CDH10: variants seen among roughly 807,000 people sequenced by gnomAD.
CDH10 encodes the protein cadherin 10, also known as cadherin-10.
A neutral mutation model predicts 73.1 loss-of-function variants in CDH10; 30 were observed. The observed-to-expected ratio is 0.41, with a 90% CI of 0.31 to 0.56. The LOEUF (loss-of-function observed/expected upper bound fraction) is 0.56. Ranked by LOEUF, CDH10 falls within the 20% of genes least tolerant of loss-of-function variation. The pLI, the probability that CDH10 is intolerant of heterozygous loss-of-function variation, is 0.27. For synonymous variants in CDH10, 345 were observed against 348.2 expected (o/e 0.99, Z 0.10); for missense variants, 815 against 973.7 (o/e 0.84, Z 2.17).
At chr5:24,523,726 A>G (rs1743423994) in intron 5 of CDH10, among the ~76,000 whole-genome samples, 1 of 151,992 alleles carries the variant, frequency 6.6e-6, no homozygotes, top group Admixed American at 6.6e-5. Flanking sequence ...ACTGTTTTTT[A>G]TTTTTCGATT....
At chr5:24,496,868 A>T (rs1016191100) in intron 9 of CDH10, among the ~76,000 whole-genome samples, 1 of 152,194 alleles carries the variant, frequency 6.6e-6, no homozygotes, top group Admixed American at 6.5e-5. Flanking sequence ...AGTTTAGTTT[A>T]ACCGAGGCAT....
chr5:24,539,852 A>G (rs1449147979), intron 2 of CDH10, among the ~76,000 whole-genome samples: 1 of 152,080 alleles, frequency 6.6e-6, no homozygotes, highest in Non-Finnish European at 1.5e-5. Context: ...AATTATATGC[A>G]TGTGCAACAC....
intron 1 of CDH10, among the ~76,000 whole-genome samples, chr5:24,594,540 G>C (rs1166699450): frequency 1.3e-5 from 2 of 151,668 alleles, no homozygotes; most frequent in African/African-American, 4.8e-5. Flanking sequence ...CCACCTCTCT[G>C]ACCATGTTTC....
intron 8 of CDH10, among the ~76,000 whole-genome samples, chr5:24,504,506 CTTTTTTT>C (rs70965605): frequency 0.011 from 725 of 65,156 alleles, 190 homozygotes; most frequent in African/African-American, 0.037. Context: ...TCCTATTAAT[CTTTTTTT>C]TTTTTTTTTT....
intron 2 of CDH10, among the ~76,000 whole-genome samples, chr5:24,551,825 C>T (rs1483233521): frequency 6.6e-6 from 1 of 152,142 alleles, no homozygotes; most frequent in Non-Finnish European, 1.5e-5. Context: ...ACACTAACAA[C>T]ATACTCTTAG....
intron 2 of CDH10, among the ~76,000 whole-genome samples, chr5:24,575,113 C>T (rs1847839): frequency 0.047 from 7,059 of 151,018 alleles, 284 homozygotes; most frequent in African/African-American, 0.096. Context: ...TGTAATCCCA[C>T]CACTTTGAGA....
rs764663767 is a variant in CDH10, at chr5:24,535,214, G to C, written c.712C>G (p.Gln238Glu). ...ATCTGGCCGCCCATGTCTTTGGCCT[G>C]GATGACCACTTGGTATTGCTCTCTG... is the stretch of plus-strand genomic sequence containing the variant. Reference protein sequence around the residue: ...ENREQYQVVIQAKDMGGQMGG... With the variant: ...ENREQYQVVIEAKDMGGQMGG... The change falls in exon 5 of 12, where the codon CAG (glutamine) becomes GAG (glutamate). Residue 238 changes from glutamine to glutamate, a missense_variant. By Grantham distance (29) the Gln-to-Glu change is conservative. Coordinates refer to ENST00000264463, the MANE Select transcript of CDH10 (RefSeq NM_006727.5). 6.8e-6 allele frequency: 11 copies of C among 1,613,262 alleles called. No homozygotes were observed. In the Admixed American group the frequency reaches 1.0e-4, roughly 15 times the overall value.
chr5:24,604,430 C>T (rs115686301), intron 1 of CDH10, among the ~76,000 whole-genome samples: 2,196 of 152,166 alleles, frequency 0.014, 23 homozygotes, highest in African/African-American at 0.036. Flanking sequence ...AAGATCACTA[C>T]GCTGAAACTT....
At chr5:24,552,328 T>G (rs1312881610) in intron 2 of CDH10, among the ~76,000 whole-genome samples, 1 of 152,046 alleles carries the variant, frequency 6.6e-6, no homozygotes, top group Non-Finnish European at 1.5e-5. Flanking sequence ...TATTATGTAT[T>G]CTAGTAAATT....
At chr5:24,508,371 T>C (rs1015931221) in intron 7 of CDH10, among the ~76,000 whole-genome samples, 4 of 152,204 alleles carry the variant, frequency 2.6e-5, no homozygotes, top group Non-Finnish European at 2.9e-5. Context: ...AAAACAAGAA[T>C]TGAAAAGACT....
rs577033210 is a variant in CDH10, at chr5:24,634,241, C to A, written c.-124+10353G>T. ...AATTAATTTCTCCTCTAATTTTGCA[C>A]AATGTTATTCTCACTTTACTTCCAA... is the stretch of plus-strand genomic sequence containing the variant. On this transcript the variant is annotated intron_variant, in intron 1 of 11. Transcript: ENST00000264463. 5.3e-5 allele frequency among the ~76,000 whole-genome samples: 8 copies of A among 151,880 alleles called. No individual in the cohort carries two copies. In the South Asian group the frequency reaches 1.7e-3, roughly 31 times the overall value.
intron 2 of CDH10, among the ~76,000 whole-genome samples, chr5:24,565,756 C>G (rs1745144389): frequency 1.3e-5 from 2 of 151,792 alleles, no homozygotes; most frequent in Admixed American, 6.6e-5. Context: ...CTCTATCTCT[C>G]TCTTTCACAC....
intron 11 of CDH10, among the ~76,000 whole-genome samples, chr5:24,488,727 T>C (rs1409405722): frequency 2.0e-5 from 3 of 151,942 alleles, no homozygotes; most frequent in African/African-American, 4.8e-5. Flanking sequence ...AAAAACAGAT[T>C]AGTTAGAGTT....
chr5:24,490,844 C>G (rs921854645), intron 11 of CDH10, among the ~76,000 whole-genome samples: 1 of 152,004 alleles, frequency 6.6e-6, no homozygotes, highest in African/African-American at 2.4e-5. Flanking sequence ...TACAGGAATG[C>G]CGATGGGAAG....
At chr5:24,626,425 C>T (rs542269062) in intron 1 of CDH10, among the ~76,000 whole-genome samples, 3 of 152,038 alleles carry the variant, frequency 2.0e-5, no homozygotes, top group East Asian at 1.9e-4. Flanking sequence ...ACAATAATCA[C>T]GATGGAAAAG....
At chr5:24,572,201 C>T (rs906031234) in intron 2 of CDH10, among the ~76,000 whole-genome samples, 4 of 152,108 alleles carry the variant, frequency 2.6e-5, no homozygotes, top group African/African-American at 9.7e-5. Context: ...AGCCAAGGAG[C>T]AGAGCTAGAG....
intron 9 of CDH10, among the ~76,000 whole-genome samples, chr5:24,494,229 T>C (rs1742176283): frequency 6.6e-6 from 1 of 151,880 alleles, no homozygotes; most frequent in African/African-American, 2.4e-5. Flanking sequence ...GCAAGAATTA[T>C]AAAAAAGCAA....
At chr5:24,565,345 C>T (rs552276269) in intron 2 of CDH10, among the ~76,000 whole-genome samples, 1 of 152,232 alleles carries the variant, frequency 6.6e-6, no homozygotes, top group Admixed American at 6.5e-5. Flanking sequence ...ATATAAATTT[C>T]TATGTACTAA....
At chr5:24,525,418 T>C (rs1325500448) in intron 5 of CDH10, among the ~76,000 whole-genome samples, 1 of 152,072 alleles carries the variant, frequency 6.6e-6, no homozygotes, top group African/African-American at 2.4e-5. Flanking sequence ...GTAACATCGC[T>C]ATGCTGCACG....
Sources: gnomAD v4.1 joint callset for allele counts (sites outside exome capture counted in the v4.1 genomes callset) on GRCh38, gnomAD v4.1.1 for gene constraint, MANE v1.5 for transcripts, NCBI Gene and HGNC (gene_info 2026-07-23, HGNC 2026-07-21) for gene names.